Variants in STX18 observed in about 807,000 individuals in gnomAD.
The protein encoded by STX18 is syntaxin 18.
A neutral mutation model predicts 50.1 loss-of-function variants in STX18; 40 were observed. The ratio of observed to expected loss-of-function variants is 0.80; its 90% CI spans 0.62 to 1.04. The LOEUF is 1.04. Among genes scored for constraint, STX18 ranks in the 50% least tolerant of loss-of-function variants. The pLI, the probability that STX18 is intolerant of heterozygous loss-of-function variation, is 0.00. For synonymous variants in STX18, 158 were observed against 151.8 expected (o/e 1.04, Z -0.30); for missense variants, 410 against 415.8 (o/e 0.99, Z 0.12).
At chr4:4,527,362 C>T (rs1730818045) in intron 1 of STX18, among the ~76,000 whole-genome samples, 1 of 152,108 alleles carries the variant, frequency 6.6e-6, no homozygotes, top group Non-Finnish European at 1.5e-5. Context: ...ATAGCAATAA[C>T]ATTTTTTAAA....
intron 5 of STX18, among the ~76,000 whole-genome samples, chr4:4,451,484 G>T (rs1726749951): frequency 6.6e-6 from 1 of 152,180 alleles, no homozygotes; most frequent in African/African-American, 2.4e-5. Flanking sequence ...TACAAATGGA[G>T]GGTATGTGGC....
chr4:4,524,856 G>T (rs1292782225), intron 1 of STX18, among the ~76,000 whole-genome samples: 1 of 152,170 alleles, frequency 6.6e-6, no homozygotes, highest in Non-Finnish European at 1.5e-5. Flanking sequence ...GTGTTTATGG[G>T]AAGAAAATCA....
intron 1 of STX18, among the ~76,000 whole-genome samples, chr4:4,489,740 A>G (rs1234821893): frequency 3.3e-5 from 5 of 152,206 alleles, no homozygotes; most frequent in Non-Finnish European, 7.3e-5. Flanking sequence ...AAGTAACACA[A>G]AATAATCACT....
intron 1 of STX18, among the ~76,000 whole-genome samples, chr4:4,479,793 A>G (rs1728368061): frequency 6.6e-6 from 1 of 152,020 alleles, no homozygotes; most frequent in Admixed American, 6.5e-5. Flanking sequence ...TGACAGGGGG[A>G]AAAAAAGACT....
chr4:4,541,736 G>A, intron 1 of STX18, 61 bp downstream of exon 1: 1 of 1,543,030 alleles, frequency 6.5e-7, no homozygotes, highest in Non-Finnish European at 8.8e-7. Flanking sequence ...TTTGGGGCCC[G>A]GGGTCCCTGT....
chr4:4,494,395 T>C (rs1254052447), intron 1 of STX18, among the ~76,000 whole-genome samples: 1 of 152,146 alleles, frequency 6.6e-6, no homozygotes, highest in African/African-American at 2.4e-5. Flanking sequence ...CTGAACAGCA[T>C]ACTTTCAAGT....
rs1011043991 is a variant in STX18 at position 4,438,364 on chromosome 4, G to A, written c.613+30C>T. On this transcript the variant is annotated intron_variant, in intron 6 of 10. Coordinates refer to ENST00000306200, the MANE Select transcript of STX18 (RefSeq NM_016930.4). ...TGCCAACATGTCACAAGGAAGAAAT[G>A]CAAGGTGAGATTTTCATCTCAATTC... is the stretch of plus-strand genomic sequence containing the variant. The A allele has an allele frequency of 3.9e-6, 6 of 1,519,952 alleles. No homozygotes were observed. In the African/African-American group the frequency reaches 6.9e-5, roughly 17 times the overall value. The allele number at this position is 1,519,952 out of a possible 1,614,324, so 94.2% of individuals were successfully genotyped here.
chr4:4,509,431 A>C (rs1729891295), intron 1 of STX18, among the ~76,000 whole-genome samples: 1 of 151,284 alleles, frequency 6.6e-6, no homozygotes, highest in Non-Finnish European at 1.5e-5. Context: ...AAATTTGTTT[A>C]AGTTCCTTGT....
rs1358921631 is a variant in STX18 at position 4,419,318 on chromosome 4, C to G, written c.*716G>C. On this transcript the variant is annotated 3_prime_UTR_variant, in exon 11 of 11. Coordinates refer to ENST00000306200, the MANE Select transcript of STX18 (RefSeq NM_016930.4). ...TGGCGGGAAACTGGCCCTCCCACACCCCCTGCCTGTTCTGGGGGCAGCAGT... is the reference window on the plus strand; with the variant it reads ...TGGCGGGAAACTGGCCCTCCCACACGCCCTGCCTGTTCTGGGGGCAGCAGT... 1 of 152,148 alleles carries G rather than the reference C, an allele frequency of 6.6e-6. No homozygotes were observed. Among genetic ancestry groups the G allele is most frequent in the Non-Finnish European group, 1.5e-5 (1 of 68,044 alleles). The allele number at this position is 152,148 out of a possible 1,614,324, so 9.4% of individuals were successfully genotyped here. A position where few individuals can be genotyped will look rare whatever the true frequency, so the allele number is the denominator to read the frequency against.
intron 1 of STX18, among the ~76,000 whole-genome samples, chr4:4,539,843 C>T (rs780735941): frequency 6.6e-6 from 1 of 152,212 alleles, no homozygotes; most frequent in Non-Finnish European, 1.5e-5. Context: ...GAAGTGATCA[C>T]AGGGCTCTCC....
rs556682065 is a variant in STX18 at position 4,421,967 on chromosome 4, C to G, written c.832-1023G>C. Among the ~76,000 whole-genome samples the G allele has an allele frequency of 1.4e-3, 215 of 152,268 alleles. 1 individual carries two copies. The highest frequency in any genetic ancestry group is 4.8e-3 in the African/African-American group (201 of 41,552). On this transcript the variant is annotated intron_variant, in intron 9 of 10. Coordinates refer to ENST00000306200, the MANE Select transcript of STX18 (RefSeq NM_016930.4). ...TAGACGTCCTTACAAGCAGGAGTGC[C>G]TGCTTCTCTCCTCCTTTCGGTGGTG...
rs1305391615 is a variant in STX18, at chr4:4,434,761, T to G, written c.702+9A>C. The G allele has an allele frequency of 4.4e-6, 7 of 1,598,188 alleles. No homozygotes were observed. The East Asian group carries it at 1.6e-4, about 36-fold the overall frequency. On this transcript the variant is annotated intron_variant, in intron 7 of 10. Transcript: ENST00000306200. ...TAAAAATAAATAATTAGGCAGAGAA[T>G]AGCATTACCATTTGTATTTCTTCTG...
At chr4:4,474,551 CAT>C (rs1280845477) in intron 1 of STX18, among the ~76,000 whole-genome samples, 2 of 152,154 alleles carry the variant, frequency 1.3e-5, no homozygotes, top group Non-Finnish European at 2.9e-5. Flanking sequence ...TAATGCAGCA[CAT>C]GAGTTAAGGT....
Position 4,435,287 on chromosome 4 carries a change from C to CAT in STX18, c.614-431_614-430dup, listed in dbSNP as rs774984526. ...AAAAATACATATGCATATATACATA[C>CAT]ATATATATATATATACAGGAAGTGA... On this transcript the variant is annotated intron_variant, in intron 6 of 10. Coordinates refer to ENST00000306200, the MANE Select transcript of STX18 (RefSeq NM_016930.4). Among the ~76,000 whole-genome samples the CAT allele has an allele frequency of 8.6e-3, 1,295 of 150,106 alleles. 21 individuals carry two copies. The highest frequency in any genetic ancestry group is 0.028 in the African/African-American group (1,167 of 41,112).
At chr4:4,526,056 T>C (rs572149161) in intron 1 of STX18, among the ~76,000 whole-genome samples, 1 of 152,218 alleles carries the variant, frequency 6.6e-6, no homozygotes, top group East Asian at 1.9e-4. Flanking sequence ...GGTTTAACAC[T>C]GGAGGTGGGT....
chr4:4,471,121 G>C (rs1727891307), intron 2 of STX18, among the ~76,000 whole-genome samples: 1 of 152,186 alleles, frequency 6.6e-6, no homozygotes, highest in Non-Finnish European at 1.5e-5. Flanking sequence ...CCTGGGAGAA[G>C]GACAAAAGAA....
At chr4:4,492,986 T>G (rs1354429941) in intron 1 of STX18, among the ~76,000 whole-genome samples, 1 of 152,228 alleles carries the variant, frequency 6.6e-6, no homozygotes, top group African/African-American at 2.4e-5. Context: ...TAATAAATAA[T>G]TTTAAAAGTT....
chr4:4,430,125 A>G (rs1479865334), intron 7 of STX18, among the ~76,000 whole-genome samples: 1 of 152,244 alleles, frequency 6.6e-6, no homozygotes, highest in African/African-American at 2.4e-5. Context: ...ATATAGGGAA[A>G]TTTATTGTGC....
At chr4:4,481,215 A>G (rs1331451992) in intron 1 of STX18, among the ~76,000 whole-genome samples, 4 of 152,250 alleles carry the variant, frequency 2.6e-5, no homozygotes, top group Admixed American at 2.0e-4. Context: ...GAGAGTTCAA[A>G]GCAGTCGGCA....
Sources: gnomAD v4.1 joint callset for allele counts (sites outside exome capture counted in the v4.1 genomes callset) on GRCh38, gnomAD v4.1.1 for gene constraint, MANE v1.5 for transcripts, NCBI Gene and HGNC (gene_info 2026-07-23, HGNC 2026-07-21) for gene names.